FLVCR1: variants seen among roughly 807,000 people sequenced by gnomAD.
FLVCR1 encodes FLVCR choline and heme transporter 1.
FLVCR1 carries 34 observed loss-of-function variants against 53.6 expected under a neutral mutation model. The ratio of observed to expected loss-of-function variants is 0.63; its 90% CI spans 0.48 to 0.84. The LOEUF is 0.84. FLVCR1 is among the 40% of genes least tolerant of loss of function. The probability of loss-of-function intolerance (pLI) is 0.00; values close to 1 mark genes in which losing one functional copy is unlikely to be tolerated. For missense variants in FLVCR1, 677 were observed against 696.7 expected (o/e 0.97, Z 0.32); for synonymous variants, 300 against 286.3 (o/e 1.05, Z -0.48).
At chr1:212,863,542 T>C in intron 1 of FLVCR1, 183 bp from the exon 2 acceptor site, 2 of 559,332 alleles carry the variant, frequency 3.6e-6, no homozygotes, top group Non-Finnish European at 6.3e-6. Flanking sequence ...TGAGCCAAGA[T>C]TGCGTCACTG....
rs1216140911 is a variant in FLVCR1, at chr1:212,878,224, C to T, written c.1025-5147C>T. On this transcript the variant is annotated intron_variant, in intron 3 of 9. Transcript: ENST00000366971. ...TCTATTAAAATAATACAAGAGAGACCAGGCGCGGTGGCTCAGGCCTGTAAT... is the reference window on the plus strand; with the variant it reads ...TCTATTAAAATAATACAAGAGAGACTAGGCGCGGTGGCTCAGGCCTGTAAT... Among the ~76,000 whole-genome samples the T allele has an allele frequency of 3.3e-5, 5 of 152,168 alleles. No individual in the cohort carries two copies. In the East Asian group the frequency reaches 7.7e-4, roughly 24 times the overall value.
chr1:212,888,431 A>C, intron 6 of FLVCR1, 58 bp from the exon 7 acceptor site: 2 of 1,110,836 alleles, frequency 1.8e-6, no homozygotes, highest in East Asian at 2.4e-5. Flanking sequence ...TGATTGCATC[A>C]GTATGTGATT....
At chr1:212,867,221 G>A (rs1477408051) in intron 2 of FLVCR1, among the ~76,000 whole-genome samples, 1 of 152,170 alleles carries the variant, frequency 6.6e-6, no homozygotes, top group Non-Finnish European at 1.5e-5. Flanking sequence ...CTTATATTGA[G>A]TATAATCCAT....
Position 212,885,416 on chromosome 1 carries a change from T to C in FLVCR1, c.1196+20T>C, listed in dbSNP as rs765279846. Reference sequence around the variant, plus strand: ...ATACAAGTAAGTGAAAGTAAATACATGTATGGTGTATAACCAAAGGTATTT... The same window carrying C: ...ATACAAGTAAGTGAAAGTAAATACACGTATGGTGTATAACCAAAGGTATTT... On this transcript the variant is annotated intron_variant, in intron 5 of 9. Coordinates refer to ENST00000366971, the MANE Select transcript of FLVCR1 (RefSeq NM_014053.4). 2 of 1,527,354 alleles carry C rather than the reference T, an allele frequency of 1.3e-6. No homozygotes were observed. The highest frequency in any genetic ancestry group is 2.7e-5 in the African/African-American group (2 of 73,306). 94.6% of individuals were successfully genotyped at this position (1,527,354 alleles called of 1,614,324 possible).
At chr1:212,869,311 G>T (rs1240319727) in intron 2 of FLVCR1, among the ~76,000 whole-genome samples, 1 of 152,202 alleles carries the variant, frequency 6.6e-6, no homozygotes, top group African/African-American at 2.4e-5. Flanking sequence ...GGAGAAAGAA[G>T]AAGCCATATT....
chr1:212,859,503 A>G (rs1664153211), intron 1 of FLVCR1, among the ~76,000 whole-genome samples: 1 of 152,102 alleles, frequency 6.6e-6, no homozygotes, highest in African/African-American at 2.4e-5. Context: ...GGATCACTTC[A>G]AGTCAGGAGT....
At position 212,863,825 on chromosome 1, in the gene FLVCR1, G is replaced by T; in HGVS notation, c.839G>T (p.Gly280Val). 6.2e-7 allele frequency: 1 copy of T among 1,613,686 alleles called. No individual in the cohort carries two copies. The highest frequency in any genetic ancestry group is 1.1e-5 in the South Asian group (1 of 91,058). ...TGTAATATCAGCACCATGTTTTATG[G>T]AACATCAGCTGTTGCCACACTTTTA... ...LACNISTMFY[G>V]TSAVATLLFI... is the part of the protein sequence containing the mutation. The change falls in exon 2 of 10, where the codon GGA (glycine) becomes GTA (valine). Residue 280 changes from glycine to valine, a missense_variant. Coordinates refer to ENST00000366971, the MANE Select transcript of FLVCR1 (RefSeq NM_014053.4).
intron 2 of FLVCR1, among the ~76,000 whole-genome samples, 187 bp downstream of exon 2, chr1:212,864,056 T>C (rs1443437098): frequency 6.6e-6 from 1 of 152,214 alleles, no homozygotes; most frequent in African/African-American, 2.4e-5. Context: ...ACATTTATTT[T>C]CACATTGTGA....
rs1188952047 is a variant in FLVCR1, at chr1:212,898,640, CTG to C, written c.*3352_*3353del. 6.6e-6 allele frequency: 1 copy of C among 152,104 alleles called. No homozygotes were observed. The highest frequency in any genetic ancestry group is 1.5e-5 in the Non-Finnish European group (1 of 68,028). The allele number at this position is 152,104 out of a possible 1,614,324, so 9.4% of individuals were successfully genotyped here. A position where few individuals can be genotyped will look rare whatever the true frequency, so the allele number is the denominator to read the frequency against. ...TTTCTGTATTTTGAGTGAAAGTTGTCTGTAATATGTCAAGCAAGAATGTTATA... is the reference window on the plus strand; with the variant it reads ...TTTCTGTATTTTGAGTGAAAGTTGTCTAATATGTCAAGCAAGAATGTTATA... On this transcript the variant is annotated 3_prime_UTR_variant, in exon 10 of 10. Coordinates refer to ENST00000366971, the MANE Select transcript of FLVCR1 (RefSeq NM_014053.4).
At chr1:212,862,532 A>G (rs1664275896) in intron 1 of FLVCR1, among the ~76,000 whole-genome samples, 1 of 152,192 alleles carries the variant, frequency 6.6e-6, no homozygotes, top group African/African-American at 2.4e-5. Flanking sequence ...GCTGAATAAT[A>G]TTTCATTGTA....
intron 1 of FLVCR1, among the ~76,000 whole-genome samples, chr1:212,860,253 C>T (rs528033371): frequency 6.6e-6 from 1 of 151,406 alleles, no homozygotes; most frequent in South Asian, 2.1e-4. Context: ...GTAGGTTGAA[C>T]TATAGTTGTT....
intron 8 of FLVCR1, among the ~76,000 whole-genome samples, chr1:212,892,154 T>C (rs1665209054): frequency 6.6e-6 from 1 of 152,250 alleles, no homozygotes; most frequent in African/African-American, 2.4e-5. Context: ...CTGATGTAGA[T>C]GCTGAAGTAG....
intron 6 of FLVCR1, 77 bp downstream of exon 6, chr1:212,888,078 T>A: frequency 1.1e-6 from 1 of 886,146 alleles, no homozygotes; most frequent in South Asian, 1.4e-5. Flanking sequence ...GGTCTTTAAT[T>A]TTTTCAGTTC....
chr1:212,889,378 A>G, intron 8 of FLVCR1, 121 bp downstream of exon 8: 1 of 711,966 alleles, frequency 1.4e-6, no homozygotes, highest in Non-Finnish European at 2.6e-6. Flanking sequence ...GCAGGACATT[A>G]TTTGTTTTCT....
At position 212,859,884 on chromosome 1, in the gene FLVCR1, A is replaced by T. The variant is rs145233755; in HGVS notation, c.738+694A>T. On this transcript the variant is annotated intron_variant, in intron 1 of 9. Transcript: ENST00000366971. ...AAGGAAGGTATTGGGTTCTGGGAAGATTGTTTCCATTTTGAGAGGTCATTG... is the reference window on the plus strand; with the variant it reads ...AAGGAAGGTATTGGGTTCTGGGAAGTTTGTTTCCATTTTGAGAGGTCATTG... Among the ~76,000 whole-genome samples, 30 of 152,274 alleles carry T rather than the reference A, an allele frequency of 2.0e-4. No individual in the cohort carries two copies. The East Asian group carries it at 5.4e-3, about 27-fold the overall frequency.
At position 212,896,365 on chromosome 1, in the gene FLVCR1, C is replaced by G. The variant is rs1204217786; in HGVS notation, c.*1075C>G. On this transcript the variant is annotated 3_prime_UTR_variant, in exon 10 of 10. Transcript: ENST00000366971. ...TATGACCATTCTCCTTTGAGGAATA[C>G]TATGCCCAGGTACATGCTCTATCAG... 1 of 152,176 alleles carries G rather than the reference C, an allele frequency of 6.6e-6. No individual in the cohort carries two copies. The highest frequency in any genetic ancestry group is 2.4e-5 in the African/African-American group (1 of 41,438). The allele number at this position is 152,176 out of a possible 1,614,324, so 9.4% of individuals were successfully genotyped here. A position where few individuals can be genotyped will look rare whatever the true frequency, so the allele number is the denominator to read the frequency against.
chr1:212,860,659 A>G (rs1465789310), intron 1 of FLVCR1, among the ~76,000 whole-genome samples: 1 of 152,072 alleles, frequency 6.6e-6, no homozygotes, highest in Non-Finnish European at 1.5e-5. Flanking sequence ...ACATGTTCAT[A>G]TGTTACTTAC....
At chr1:212,882,799 C>T (rs1287140905) in intron 3 of FLVCR1, among the ~76,000 whole-genome samples, 2 of 151,636 alleles carry the variant, frequency 1.3e-5, no homozygotes, top group African/African-American at 2.4e-5. Context: ...CTTTGGGAGG[C>T]GAGGCAGTAG....
intron 6 of FLVCR1, 45 bp from the exon 7 acceptor site, chr1:212,888,444 G>A (rs772940520): frequency 7.6e-7 from 1 of 1,308,360 alleles, no homozygotes; most frequent in Non-Finnish European, 1.1e-6. Flanking sequence ...ATGTGATTGT[G>A]ACTTTCTGGT....
Sources: allele counts gnomAD v4.1 joint callset (sites outside exome capture counted in the v4.1 genomes callset), GRCh38; gene constraint gnomAD v4.1.1; transcripts MANE v1.5; gene names NCBI Gene and HGNC (gene_info 2026-07-23, HGNC 2026-07-21).